Variants in SDK1 observed in about 807,000 individuals in gnomAD.
SDK1 encodes sidekick cell adhesion molecule 1.
Under a neutral mutation model 245.5 loss-of-function variants are expected in SDK1, and 157 were observed. That is an observed-to-expected ratio of 0.64 (90% CI 0.56 to 0.73). SDK1 has a LOEUF of 0.73. Ranked by LOEUF, SDK1 falls within the 30% of genes least tolerant of loss-of-function variation. The probability of loss-of-function intolerance (pLI) is 0.00; values close to 1 mark genes in which losing one functional copy is unlikely to be tolerated. For synonymous variants in SDK1, 1,647 were observed against 1,278.5 expected (o/e 1.29, Z -6.15); for missense variants, 3,583 against 3,002.3 (o/e 1.19, Z -4.52).
intron 19 of SDK1, among the ~76,000 whole-genome samples, chr7:4,054,721 A>G (rs746014062): frequency 6.6e-6 from 1 of 152,180 alleles, no homozygotes; most frequent in African/African-American, 2.4e-5. Flanking sequence ...GAGGCAAAAC[A>G]TTCAGTCGTT....
At chr7:3,392,632 C>T (rs535168805) in intron 1 of SDK1, among the ~76,000 whole-genome samples, 1 of 152,096 alleles carries the variant, frequency 6.6e-6, no homozygotes, top group Non-Finnish European at 1.5e-5. Context: ...TCCCTCCAAC[C>T]CTGGTAACTT....
chr7:3,411,051 A>T (rs1004568553), intron 1 of SDK1, among the ~76,000 whole-genome samples: 2 of 152,146 alleles, frequency 1.3e-5, no homozygotes, highest in African/African-American at 4.8e-5. Flanking sequence ...GTGTAAGAAG[A>T]GCTTTGTAAT....
chr7:3,604,741 T>C (rs1781368243), intron 1 of SDK1, among the ~76,000 whole-genome samples: 1 of 151,904 alleles, frequency 6.6e-6, no homozygotes, highest in Non-Finnish European at 1.5e-5. Context: ...TAGCTGGGAT[T>C]ACAGGCATGT....
chr7:4,235,956 G>A (rs1044072836), intron 41 of SDK1, among the ~76,000 whole-genome samples: 1 of 152,270 alleles, frequency 6.6e-6, no homozygotes, highest in Admixed American at 6.5e-5. Context: ...TTGCCCGGTG[G>A]TGTAAGTGTG....
At chr7:3,746,646 T>G (rs192573746) in intron 4 of SDK1, among the ~76,000 whole-genome samples, 35 of 152,372 alleles carry the variant, frequency 2.3e-4, no homozygotes, top group African/African-American at 8.2e-4. Context: ...CATCATTTTC[T>G]TTGCTTATCC....
At chr7:3,633,519 G>C (rs1289700674) in intron 2 of SDK1, among the ~76,000 whole-genome samples, 1 of 151,998 alleles carries the variant, frequency 6.6e-6, no homozygotes, top group African/African-American at 2.4e-5. Context: ...CTTATAACAG[G>C]TAAATGTGTC....
At chr7:3,485,668 GA>G (rs1375775432) in intron 1 of SDK1, among the ~76,000 whole-genome samples, 5 of 71,946 alleles carry the variant, frequency 6.9e-5, no homozygotes, top group Non-Finnish European at 1.5e-4. Flanking sequence ...GTGCTGAGGG[GA>G]TGATCTTTGG....
rs759806083 is a variant in SDK1 at position 4,221,245 on chromosome 7, C to T, written c.5708C>T (p.Pro1903Leu). 9.9e-6 allele frequency: 16 copies of T among 1,613,354 alleles called. No homozygotes were observed. Among genetic ancestry groups the T allele is most frequent in the East Asian group, 4.5e-5 (2 of 44,868 alleles). The change falls in exon 40 of 45, where the codon CCG (proline) becomes CTG (leucine). Residue 1903 changes from proline to leucine, a missense_variant. By Grantham distance (98) the Pro-to-Leu change is moderately conservative. Coordinates refer to ENST00000404826, the MANE Select transcript of SDK1 (RefSeq NM_152744.4). ...TTTCTTCTTTATCCCGCAGGATCCCCGGGCTCGCCTAGAGATGTCCTGGTC... is the reference window on the plus strand; with the variant it reads ...TTTCTTCTTTATCCCGCAGGATCCCTGGGCTCGCCTAGAGATGTCCTGGTC... ...NITAGPAEGS[P>L]GSPRDVLVTK...
intron 1 of SDK1, among the ~76,000 whole-genome samples, chr7:3,577,437 C>A (rs1780330220): frequency 6.6e-6 from 1 of 151,922 alleles, no homozygotes. Flanking sequence ...AGACGTGCTC[C>A]CTTTACTGTT....
chr7:4,133,253 C>T (rs1784963879), intron 28 of SDK1, among the ~76,000 whole-genome samples: 1 of 152,188 alleles, frequency 6.6e-6, no homozygotes, highest in African/African-American at 2.4e-5. Context: ...AGATGAAAAG[C>T]CTGAATTTTT....
chr7:4,199,433 G>A (rs968278528), intron 35 of SDK1, among the ~76,000 whole-genome samples: 1 of 152,200 alleles, frequency 6.6e-6, no homozygotes, highest in South Asian at 2.1e-4. Flanking sequence ...CTGATGATGG[G>A]AAGCAAAGAT....
intron 4 of SDK1, among the ~76,000 whole-genome samples, chr7:3,731,775 C>T (rs1779184827): frequency 6.6e-6 from 1 of 152,048 alleles, no homozygotes; most frequent in African/African-American, 2.4e-5. Flanking sequence ...GAAGAACCTC[C>T]TGCTTATTTT....
intron 1 of SDK1, among the ~76,000 whole-genome samples, chr7:3,586,424 G>A (rs553798448): frequency 9.9e-5 from 15 of 151,932 alleles, no homozygotes; most frequent in Admixed American, 5.2e-4. Flanking sequence ...AGGGCCGGGC[G>A]CGGTGGCTCA....
intron 1 of SDK1, among the ~76,000 whole-genome samples, chr7:3,601,778 T>C (rs1001256840): frequency 6.6e-6 from 1 of 151,570 alleles, no homozygotes; most frequent in Non-Finnish European, 1.5e-5. Context: ...CTGCACCCAT[T>C]AACTCGTCAT....
chr7:3,706,940 A>G (rs1784908724), intron 4 of SDK1, among the ~76,000 whole-genome samples: 1 of 152,074 alleles, frequency 6.6e-6, no homozygotes, highest in Non-Finnish European at 1.5e-5. Context: ...GTTTATTTGA[A>G]TCTTTTCTTC....
intron 1 of SDK1, among the ~76,000 whole-genome samples, chr7:3,364,804 T>C (rs545246708): frequency 6.6e-6 from 1 of 152,316 alleles, no homozygotes; most frequent in East Asian, 1.9e-4. Context: ...CTTTTCTGTA[T>C]CTAGAAAAAA....
At chr7:3,640,604 A>G (rs537307643) in intron 3 of SDK1, among the ~76,000 whole-genome samples, 1 of 152,368 alleles carries the variant, frequency 6.6e-6, no homozygotes, top group Non-Finnish European at 1.5e-5. Flanking sequence ...AAGAGCTTCA[A>G]AATTATTAAA....
intron 4 of SDK1, among the ~76,000 whole-genome samples, chr7:3,661,769 C>T (rs1320851559): frequency 6.6e-6 from 1 of 152,096 alleles, no homozygotes; most frequent in African/African-American, 2.4e-5. Context: ...TGGGTTCAGA[C>T]CCTGGCTGTG....
chr7:4,145,641 C>T, intron 28 of SDK1, 81 bp from the exon 29 acceptor site: 2 of 1,258,714 alleles, frequency 1.6e-6, no homozygotes, highest in Non-Finnish European at 2.2e-6. Context: ...TTCCAGGGGT[C>T]AGCACAGGGT....
Sources: allele counts gnomAD v4.1 joint callset (sites outside exome capture counted in the v4.1 genomes callset), GRCh38; gene constraint gnomAD v4.1.1; transcripts MANE v1.5; gene names NCBI Gene and HGNC (gene_info 2026-07-23, HGNC 2026-07-21).